The following GTF2H2C variants were observed in gnomAD, a reference collection of about 807,000 sequenced individuals.
GTF2H2C encodes general transcription factor IIH subunit 2-like protein.
In GTF2H2C, 5 loss-of-function variants were observed where a neutral mutation model predicts 24.8. The ratio of observed to expected loss-of-function variants is 0.20; its 90% confidence interval spans 0.11 to 0.42. GTF2H2C has a LOEUF of 0.42. Among genes scored for constraint, GTF2H2C ranks in the 20% least tolerant of loss-of-function variants. The pLI, the probability that GTF2H2C is intolerant of heterozygous loss-of-function variation, is 1.00. For missense variants in GTF2H2C, 45 were observed against 169.8 expected, an observed-to-expected ratio of 0.27 and a Z score of 4.08; for synonymous variants, 14 against 52.6, an observed-to-expected ratio of 0.27 and a Z score of 3.18.
rs751760043 is a variant in GTF2H2C, at chr5:69,566,614, C to T, written c.160C>T (p.Arg54Ter). 1.4e-5 allele frequency: 20 copies of T among 1,415,908 alleles called. No individual in the cohort carries two copies. The highest frequency in any genetic ancestry group is 8.8e-5 in the African/African-American group (5 of 56,530). 87.7% of individuals were successfully genotyped at this position (1,415,908 alleles called of 1,614,324 possible). ...AGTATTTGAGCACCATGGACAAGTTCGACTTGGAATGGTATGTCATTATTT... is the reference window on the plus strand; with the variant it reads ...AGTATTTGAGCACCATGGACAAGTTTGACTTGGAATGGTATGTCATTATTT... ...KRVFEHHGQV[R>*]LGMMRHLYVV... The change falls in exon 5 of 17, where the codon CGA becomes TGA. Residue 54 changes from arginine (R) to a stop codon, truncating the protein, a stop_gained. Coordinates refer to ENST00000380729, the MANE Select transcript of GTF2H2C (RefSeq NM_001376000.2). LOFTEE classifies it high-confidence loss of function.
At chr5:69,560,823 T>A (rs1181106969) in intron 1 of GTF2H2C, among the ~76,000 whole-genome samples, 1 of 152,006 alleles carries the variant, frequency 6.6e-6, no homozygotes, top group Non-Finnish European at 1.5e-5. Context: ...AGCGGCGCGA[T>A]CTCGGCTCAC....
chr5:69,569,429 G>A (rs1386184057), intron 8 of GTF2H2C: 5 of 18,952 alleles, frequency 2.6e-4, no homozygotes, highest in African/African-American at 5.1e-4. Context: ...TTCAGCACAC[G>A]TCTAGGGAGA....
intron 4 of GTF2H2C, 129 bp downstream of exon 4, chr5:69,566,337 T>C: frequency 1.5e-6 from 2 of 1,298,444 alleles, no homozygotes; most frequent in Non-Finnish European, 2.1e-6. Flanking sequence ...CTTCTGACTA[T>C]GGGGAAAGAA....
chr5:69,568,663 A>AT (rs1770917841), intron 8 of GTF2H2C: 1 of 112,230 alleles, frequency 8.9e-6, no homozygotes, highest in Non-Finnish European at 1.9e-5. Context: ...CGCCCTGCTA[A>AT]TTTTTTGTAT....
chr5:69,589,869 G>T, intron 15 of GTF2H2C, among the ~76,000 whole-genome samples: 6 of 110,138 alleles, frequency 5.4e-5, no homozygotes, highest in Non-Finnish European at 7.1e-5. Flanking sequence ...TTAAATTATT[G>T]CTATTCTTTT....
chr5:69,568,641 T>C (rs2112198079), intron 8 of GTF2H2C: 1 of 114,032 alleles, frequency 8.8e-6, no homozygotes, highest in Admixed American at 8.6e-5. Context: ...GAACTACAGA[T>C]GCCCGCCACC....
At chr5:69,562,022 A>G (rs1268730774) in intron 1 of GTF2H2C, among the ~76,000 whole-genome samples, 1 of 152,078 alleles carries the variant, frequency 6.6e-6, no homozygotes, top group Non-Finnish European at 1.5e-5. Context: ...AGGGAGGAGC[A>G]AAATGTTCAG....
At chr5:69,580,886 CT>C (rs1192484378) in intron 12 of GTF2H2C, among the ~76,000 whole-genome samples, 2,111 of 126,232 alleles carry the variant, frequency 0.017, 25 homozygotes, top group African/African-American at 0.06. Context: ...TTTTGGATCA[CT>C]TTTTTTTTTC....
intron 2 of GTF2H2C, among the ~76,000 whole-genome samples, chr5:69,564,176 C>T (rs1272073459): frequency 8.0e-6 from 1 of 124,910 alleles, no homozygotes; most frequent in Non-Finnish European, 1.7e-5. Context: ...GTTTTTTTGG[C>T]TGCTAGTATT....
intron 13 of GTF2H2C, among the ~76,000 whole-genome samples, chr5:69,583,899 CA>C (rs904525571): frequency 0.015 from 137 of 9,402 alleles, 33 homozygotes; most frequent in African/African-American, 0.04. Context: ...TATTTCAGAA[CA>C]AACCCTTAAA....
At chr5:69,572,979 G>T (rs1771141466) in intron 9 of GTF2H2C, 1 of 94,658 alleles carries the variant, frequency 1.1e-5, no homozygotes, top group Non-Finnish European at 2.1e-5. Flanking sequence ...TCAGCTATAT[G>T]GAATAGAGCT....
At position 69,567,041 on chromosome 5, in the gene GTF2H2C, G is replaced by A. The variant is rs1296108810; in HGVS notation, c.246G>A (p.Thr82=). The A allele has an allele frequency of 3.2e-4, 5 of 15,456 alleles. No individual in the cohort carries two copies. The highest frequency in any genetic ancestry group is 1.8e-3 in the South Asian group (4 of 2,172). The allele number at this position is 15,456 out of a possible 1,614,324, so 1.0% of individuals were successfully genotyped here. ...AAGATTTAAAGCCTAATAGACTGACGTGTACTTTAAAGGTAAAATTTAAGT... is the reference window on the plus strand; with the variant it reads ...AAGATTTAAAGCCTAATAGACTGACATGTACTTTAAAGGTAAAATTTAAGT... The part of the protein sequence containing the change: ...EDQDLKPNRL[T]CTLKLLEYFV... The change falls in exon 6 of 17, where the codon ACG becomes ACA. Residue 82 remains threonine, a synonymous_variant. Transcript: ENST00000380729.
intron 2 of GTF2H2C, among the ~76,000 whole-genome samples, chr5:69,564,083 G>A (rs150543998): frequency 0.011 from 1,672 of 151,052 alleles, 19 homozygotes; most frequent in Middle Eastern, 0.031. Flanking sequence ...GCCTCTGTTC[G>A]TGTTAATTCG....
At chr5:69,560,908 C>G (rs62371758) in intron 1 of GTF2H2C, among the ~76,000 whole-genome samples, 146 of 149,042 alleles carry the variant, frequency 9.8e-4, no homozygotes, top group South Asian at 4.1e-3. Flanking sequence ...CAGGCGCGTG[C>G]CACCACGCCC....
chr5:69,591,345 C>T (rs1316064636), intron 16 of GTF2H2C, among the ~76,000 whole-genome samples: 1 of 85,096 alleles, frequency 1.2e-5, no homozygotes, highest in African/African-American at 4.5e-5. Context: ...GCAATCCACC[C>T]GCCTTGGCCT....
intron 1 of GTF2H2C, among the ~76,000 whole-genome samples, chr5:69,561,804 AGCTAATTTTTTGATGTTT>A (rs1770376621): frequency 6.6e-6 from 1 of 150,602 alleles, no homozygotes. Flanking sequence ...CACCTCGCCC[AGCTAATTTTTTGATGTTT>A]TGTAGAGACA....
chr5:69,563,623 A>T (rs1770544182), intron 2 of GTF2H2C, among the ~76,000 whole-genome samples: 1 of 151,988 alleles, frequency 6.6e-6, no homozygotes, highest in Non-Finnish European at 1.5e-5. Flanking sequence ...TGGTATACAA[A>T]TGATCCCGTC....
At chr5:69,561,964 G>A (rs1234225652) in intron 1 of GTF2H2C, among the ~76,000 whole-genome samples, 1 of 152,090 alleles carries the variant, frequency 6.6e-6, no homozygotes, top group Non-Finnish European at 1.5e-5. Flanking sequence ...CGTTGAGAAC[G>A]TTATGCGAGT....
At chr5:69,566,260 CCTTT>C (rs780342633) in intron 4 of GTF2H2C, 52 bp downstream of exon 4, 3 of 1,594,614 alleles carry the variant, frequency 1.9e-6, no homozygotes, top group Admixed American at 1.7e-5. Flanking sequence ...TCATTTTAAG[CCTTT>C]CTATCTATAA....
Sources: allele counts gnomAD v4.1 joint callset (sites outside exome capture counted in the v4.1 genomes callset), GRCh38; gene constraint gnomAD v4.1.1; transcripts MANE v1.5; gene names NCBI Gene and HGNC (gene_info 2026-07-23, HGNC 2026-07-21).